B3GALT1: variants seen among roughly 807,000 people sequenced by gnomAD.
B3GALT1 encodes the protein beta-1,3-galactosyltransferase 1, also known as UDP-Gal:betaGlcNAc beta 1,3-galactosyltransferase, polypeptide 1.
In B3GALT1, 10 loss-of-function variants were observed where a neutral mutation model predicts 23.2. The observed-to-expected ratio is 0.43, with a 90% CI of 0.27 to 0.73. B3GALT1 has a LOEUF of 0.73. Among genes scored for constraint, B3GALT1 ranks in the 30% least tolerant of loss-of-function variants. The pLI, the probability that B3GALT1 is intolerant of heterozygous loss-of-function variation, is 0.21. For missense variants in B3GALT1, 299 were observed against 405.4 expected (o/e 0.74, Z 2.25); for synonymous variants, 156 against 141.5 (o/e 1.10, Z -0.73).
At chr2:167,639,526 T>C (rs13032943) in intron 2 of B3GALT1, among the ~76,000 whole-genome samples, 15 of 152,086 alleles carry the variant, frequency 9.9e-5, no homozygotes, top group Non-Finnish European at 1.9e-4. Flanking sequence ...TTATTCATAG[T>C]AAATTTTTTA....
chr2:167,468,638 G>C (rs1699381119), intron 1 of B3GALT1, among the ~76,000 whole-genome samples: 1 of 152,144 alleles, frequency 6.6e-6, no homozygotes, highest in Admixed American at 6.6e-5. Flanking sequence ...TTGGGAGGCT[G>C]AGGAGGGCAG....
intron 1 of B3GALT1, among the ~76,000 whole-genome samples, chr2:167,384,326 A>G (rs16853544): frequency 0.011 from 1,610 of 152,316 alleles, 28 homozygotes; most frequent in African/African-American, 0.036. Context: ...TGCATGCCAG[A>G]TAAACCTTGT....
At chr2:167,453,684 G>GT (rs1330247205) in intron 1 of B3GALT1, among the ~76,000 whole-genome samples, 1 of 152,182 alleles carries the variant, frequency 6.6e-6, no homozygotes, top group Non-Finnish European at 1.5e-5. Context: ...CCAATGAAGT[G>GT]TTTAAGGGAC....
chr2:167,312,790 G>A (rs1696652694), intron 1 of B3GALT1, among the ~76,000 whole-genome samples: 1 of 152,052 alleles, frequency 6.6e-6, no homozygotes, highest in Non-Finnish European at 1.5e-5. Flanking sequence ...TTTGAGCAGT[G>A]ACAGTTCTTT....
At chr2:167,629,960 G>A (rs1685410544) in intron 2 of B3GALT1, among the ~76,000 whole-genome samples, 1 of 151,250 alleles carries the variant, frequency 6.6e-6, no homozygotes, top group South Asian at 2.1e-4. Flanking sequence ...TTTTTTCTTG[G>A]TATGTAAAAT....
intron 3 of B3GALT1, among the ~76,000 whole-genome samples, chr2:167,704,066 A>G (rs1686930481): frequency 6.6e-6 from 1 of 151,814 alleles, no homozygotes; most frequent in Non-Finnish European, 1.5e-5. Context: ...CTGTAGTCCC[A>G]GCTACTCGGG....
chr2:167,432,096 T>C (rs1308498202), intron 1 of B3GALT1, among the ~76,000 whole-genome samples: 1 of 152,166 alleles, frequency 6.6e-6, no homozygotes, highest in African/African-American at 2.4e-5. Flanking sequence ...ACTGTGAGGC[T>C]GATGAGGCAA....
intron 3 of B3GALT1, among the ~76,000 whole-genome samples, chr2:167,811,053 C>T (rs1202378521): frequency 2.0e-5 from 3 of 152,134 alleles, no homozygotes; most frequent in Non-Finnish European, 4.4e-5. Context: ...ATCCTATATG[C>T]TTAGCCAAGA....
intron 1 of B3GALT1, among the ~76,000 whole-genome samples, chr2:167,391,709 G>T (rs531905048): frequency 6.6e-6 from 1 of 152,044 alleles, no homozygotes. Context: ...TTGTCTATTA[G>T]AACTTTACCC....
At chr2:167,581,401 G>C (rs1684481256) in intron 2 of B3GALT1, among the ~76,000 whole-genome samples, 1 of 152,180 alleles carries the variant, frequency 6.6e-6, no homozygotes, top group Admixed American at 6.5e-5. Context: ...CCACCTGACT[G>C]TTCCATTATT....
At chr2:167,702,370 A>G (rs1267402708) in intron 3 of B3GALT1, among the ~76,000 whole-genome samples, 2 of 152,240 alleles carry the variant, frequency 1.3e-5, no homozygotes, top group African/African-American at 4.8e-5. Context: ...CGATGAAGCA[A>G]TATTCTTCCA....
chr2:167,340,016 T>A (rs763365068), intron 1 of B3GALT1, among the ~76,000 whole-genome samples: 8 of 152,188 alleles, frequency 5.3e-5, no homozygotes, highest in Non-Finnish European at 1.0e-4. Flanking sequence ...ATTTTTCAAC[T>A]CTGACATTTC....
At chr2:167,548,983 C>A (rs1683699811) in intron 2 of B3GALT1, among the ~76,000 whole-genome samples, 1 of 152,108 alleles carries the variant, frequency 6.6e-6, no homozygotes, top group Non-Finnish European at 1.5e-5. Context: ...CTCTTACTGG[C>A]ATATGATTTT....
intron 3 of B3GALT1, among the ~76,000 whole-genome samples, chr2:167,656,054 A>G (rs1558938727): frequency 6.6e-6 from 1 of 152,110 alleles, no homozygotes; most frequent in Non-Finnish European, 1.5e-5. Flanking sequence ...CTGTCTGTTT[A>G]GGTATCAGTC....
intron 3 of B3GALT1, among the ~76,000 whole-genome samples, chr2:167,745,278 CT>C (rs1024435662): frequency 2.6e-5 from 4 of 152,040 alleles, no homozygotes; most frequent in African/African-American, 9.7e-5. Context: ...TGCTCACCCC[CT>C]CTCCTAACAT....
At chr2:167,471,373 G>GA (rs1013916204) in intron 1 of B3GALT1, among the ~76,000 whole-genome samples, 22 of 151,022 alleles carry the variant, frequency 1.5e-4, no homozygotes, top group East Asian at 3.9e-4. Context: ...AGCTGAAAAG[G>GA]AAAAAAAAAT....
chr2:167,392,558 A>G (rs967233331), intron 1 of B3GALT1, among the ~76,000 whole-genome samples: 4 of 152,142 alleles, frequency 2.6e-5, no homozygotes. Flanking sequence ...ATCGATTTCA[A>G]TTTTTGAACC....
At chr2:167,792,038 T>G (rs1255562043) in intron 3 of B3GALT1, among the ~76,000 whole-genome samples, 1 of 151,930 alleles carries the variant, frequency 6.6e-6, no homozygotes, top group Non-Finnish European at 1.5e-5. Flanking sequence ...TATCAATAAT[T>G]CCTGAACGAT....
intron 2 of B3GALT1, among the ~76,000 whole-genome samples, chr2:167,545,196 G>A (rs909380172): frequency 4.0e-5 from 6 of 151,648 alleles, no homozygotes; most frequent in East Asian, 2.0e-4. Flanking sequence ...CACCACGCCC[G>A]GCTAATTTTT....
Sources: gnomAD v4.1 joint callset for allele counts (sites outside exome capture counted in the v4.1 genomes callset) on GRCh38, gnomAD v4.1.1 for gene constraint, MANE v1.5 for transcripts, NCBI Gene and HGNC (gene_info 2026-07-23, HGNC 2026-07-21) for gene names.